The following SEC63 variants were observed in gnomAD, a reference collection of about 807,000 sequenced individuals.
The protein encoded by SEC63 is translocation protein SEC63 homolog.
SEC63 carries 56 observed loss-of-function variants against 116.2 expected under a neutral mutation model. The observed-to-expected ratio is 0.48, with a 90% confidence interval of 0.39 to 0.60. SEC63 has a LOEUF of 0.60. Ranked by LOEUF, SEC63 falls within the 20% of genes least tolerant of loss-of-function variation. The probability of loss-of-function intolerance (pLI) is 0.00; values close to 1 mark genes in which losing one functional copy is unlikely to be tolerated. For missense variants in SEC63, 668 were observed against 900.0 expected, an observed-to-expected ratio of 0.74 and a Z score of 3.30; for synonymous variants, 273 against 294.6, an observed-to-expected ratio of 0.93 and a Z score of 0.75.
chr6:107,879,872 T>C (rs1786371737), intron 18 of SEC63, among the ~76,000 whole-genome samples: 1 of 152,126 alleles, frequency 6.6e-6, no homozygotes. Context: ...ACCACAGGCA[T>C]GAGCCACAGC....
At chr6:107,881,104 G>T in intron 18 of SEC63, 45 bp downstream of exon 18, 1 of 1,334,754 alleles carries the variant, frequency 7.5e-7, no homozygotes, top group Non-Finnish European at 1.1e-6. Flanking sequence ...TCCCTGAGGA[G>T]AAAGTGAATG....
chr6:107,956,627 T>C (rs541646857), intron 1 of SEC63, among the ~76,000 whole-genome samples: 1 of 152,234 alleles, frequency 6.6e-6, no homozygotes, highest in Non-Finnish European at 1.5e-5. Flanking sequence ...TTTAAACTTA[T>C]TGTCAAACGT....
chr6:107,930,339 G>A (rs557108840), intron 1 of SEC63, among the ~76,000 whole-genome samples: 25 of 151,858 alleles, frequency 1.6e-4, no homozygotes, highest in South Asian at 8.3e-4. Context: ...GGCCGGGCGC[G>A]GTGGCTCACG....
At chr6:107,915,187 T>G (rs1363952329) in intron 4 of SEC63, among the ~76,000 whole-genome samples, 1 of 152,178 alleles carries the variant, frequency 6.6e-6, no homozygotes, top group East Asian at 1.9e-4. Flanking sequence ...TTTTTGAAAA[T>G]TCAGTGAGTG....
At position 107,906,918 on chromosome 6, in the gene SEC63, G is replaced by C. The variant is rs1224954973; in HGVS notation, c.734-141C>G. ...AAAATTATCTGAACTCCACTGACAA[G>C]TATTTATTTCTTCCATAAAAAAAGT... is the stretch of plus-strand genomic sequence containing the variant. On this transcript the variant is annotated intron_variant, in intron 8 of 20. Coordinates refer to ENST00000369002, the MANE Select transcript of SEC63 (RefSeq NM_007214.5). The C allele has an allele frequency of 8.8e-6, 6 of 683,914 alleles. No individual in the cohort carries two copies. The African/African-American group carries it at 1.1e-4, about 12-fold the overall frequency. The allele number at this position is 683,914 out of a possible 1,614,324, so 42.4% of individuals were successfully genotyped here.
At chr6:107,875,444 C>T (rs1456558048) in intron 19 of SEC63, among the ~76,000 whole-genome samples, 1 of 152,108 alleles carries the variant, frequency 6.6e-6, no homozygotes, top group African/African-American at 2.4e-5. Context: ...TGCCTGTAAT[C>T]CCGGCACTTT....
intron 1 of SEC63, among the ~76,000 whole-genome samples, chr6:107,942,662 T>C (rs1770402423): frequency 6.6e-6 from 1 of 152,226 alleles, no homozygotes; most frequent in South Asian, 2.1e-4. Flanking sequence ...CAAATCTGCA[T>C]ATAACTTTTG....
At chr6:107,945,597 C>G (rs1231330049) in intron 1 of SEC63, among the ~76,000 whole-genome samples, 2 of 151,862 alleles carry the variant, frequency 1.3e-5, no homozygotes, top group Non-Finnish European at 2.9e-5. Context: ...AGCCACCGAG[C>G]CCAGCCGAGA....
At chr6:107,938,298 T>C (rs1225928716) in intron 1 of SEC63, among the ~76,000 whole-genome samples, 3 of 147,316 alleles carry the variant, frequency 2.0e-5, no homozygotes, top group African/African-American at 7.5e-5. Flanking sequence ...CCAGGCTAGA[T>C]AGACTACAGT....
intron 1 of SEC63, among the ~76,000 whole-genome samples, 177 bp from the exon 2 acceptor site, chr6:107,929,691 T>C (rs1787755815): frequency 6.6e-6 from 1 of 152,212 alleles, no homozygotes; most frequent in Non-Finnish European, 1.5e-5. Context: ...GTCTGCCATT[T>C]AGAACAAACA....
In SEC63 at chr6:107,909,131, G is replaced by A. The variant is rs555225198; in HGVS notation, c.625-96C>T. ...TCCTGTAATCCCAGCACTTTGGGAG[G>A]CTGAGGTGAGAGGACTGCTTGAGCC... On this transcript the variant is annotated intron_variant, in intron 7 of 20. Transcript: ENST00000369002. 6 of 839,818 alleles carry A rather than the reference G, an allele frequency of 7.1e-6. No homozygotes were observed. The African/African-American group carries it at 1.0e-4, about 14-fold the overall frequency. The allele number at this position is 839,818 out of a possible 1,614,324, so 52.0% of individuals were successfully genotyped here.
In SEC63 at chr6:107,867,859, A is replaced by G. The variant is rs1786031600; in HGVS notation, c.*3845T>C. 2 of 152,234 alleles carry G rather than the reference A, an allele frequency of 1.3e-5. No individual in the cohort carries two copies. The highest frequency in any genetic ancestry group is 2.9e-5 in the Non-Finnish European group (2 of 68,044). The allele number at this position is 152,234 out of a possible 1,614,324, so 9.4% of individuals were successfully genotyped here. On this transcript the variant is annotated 3_prime_UTR_variant, in exon 21 of 21. Transcript: ENST00000369002. ...ACAAAAATAGAAATTTAAAAGGATG[A>G]GATTAAATACAAATAATCATCTTAA... is the stretch of plus-strand genomic sequence containing the variant.
chr6:107,934,483 G>A (rs187741283), intron 1 of SEC63, among the ~76,000 whole-genome samples: 3,912 of 134,216 alleles, frequency 0.029, 382 homozygotes, highest in African/African-American at 0.11. Context: ...CTGCCCGGCC[G>A]CTCCATCTGA....
intron 1 of SEC63, among the ~76,000 whole-genome samples, chr6:107,934,430 A>G (rs1397194367): frequency 2.8e-5 from 4 of 142,300 alleles, no homozygotes; most frequent in African/African-American, 1.1e-4. Context: ...CTGGGATGTG[A>G]GAGTGCCCGG....
intron 20 of SEC63, among the ~76,000 whole-genome samples, chr6:107,872,223 T>C (rs1414710789): frequency 6.6e-6 from 1 of 152,170 alleles, no homozygotes; most frequent in Non-Finnish European, 1.5e-5. Context: ...GTCTCTAGAC[T>C]TGTGATGTAA....
At chr6:107,923,252 C>T in intron 3 of SEC63, among the ~76,000 whole-genome samples, 1 of 151,990 alleles carries the variant, frequency 6.6e-6, no homozygotes. Context: ...GCTGGAACCA[C>T]AGGGGTGTGT....
At position 107,921,833 on chromosome 6, in the gene SEC63, T is replaced by C; in HGVS notation, c.416A>G (p.Glu139Gly). The change falls in exon 4 of 21, where the codon GAG (glutamate) becomes GGG (glycine). Residue 139 changes from glutamate to glycine, a missense_variant. Transcript: ENST00000369002. ...TTTTGCTATCCTCATGAACATAACC[T>C]CATCACCTCCTTTATCTGGATGATA... is the stretch of plus-strand genomic sequence containing the variant. ...LKYHPDKGGD[E>G]VMFMRIAKAY... The C allele has an allele frequency of 6.2e-7, 1 of 1,611,336 alleles. No homozygotes were observed. Among genetic ancestry groups the C allele is most frequent in the Non-Finnish European group, 8.5e-7 (1 of 1,177,870 alleles).
intron 14 of SEC63, among the ~76,000 whole-genome samples, chr6:107,894,809 G>A (rs1015207058): frequency 2.0e-5 from 3 of 148,498 alleles, no homozygotes; most frequent in African/African-American, 7.5e-5. Flanking sequence ...TTGTTATGTT[G>A]CCCAGGCTGG....
chr6:107,953,843 G>C (rs528420653), intron 1 of SEC63, among the ~76,000 whole-genome samples: 25 of 135,306 alleles, frequency 1.8e-4, no homozygotes, highest in South Asian at 1.8e-3. Flanking sequence ...GGAGGGAGGT[G>C]GGGGGGTCAG....
Sources: gnomAD v4.1 joint callset for allele counts (sites outside exome capture counted in the v4.1 genomes callset) on GRCh38, gnomAD v4.1.1 for gene constraint, MANE v1.5 for transcripts, NCBI Gene and HGNC (gene_info 2026-07-23, HGNC 2026-07-21) for gene names.